Variants in ABTB3 observed in about 807,000 individuals in gnomAD.
The protein encoded by ABTB3 is ankyrin repeat- and BTB/POZ domain-containing protein 3.
chr12:107,513,621 G>C, the ABTB3 span, among the ~76,000 whole-genome samples: 1 of 152,210 alleles, frequency 6.6e-6, no homozygotes, highest in African/African-American at 2.4e-5. Context: ...CCCAGTCTCG[G>C]GTATTTCCTC....
chr12:107,468,663 T>G, the ABTB3 span, among the ~76,000 whole-genome samples: 1 of 152,102 alleles, frequency 6.6e-6, no homozygotes, highest in Admixed American at 6.5e-5. Context: ...CACAAGTATT[T>G]ATTGAGCACC....
At chr12:107,324,017 C>A in the ABTB3 span, among the ~76,000 whole-genome samples, 32 of 152,098 alleles carry the variant, frequency 2.1e-4, no homozygotes, top group Non-Finnish European at 2.6e-4. Context: ...CTTAGGTATG[C>A]GACCCAACCT....
the ABTB3 span, among the ~76,000 whole-genome samples, chr12:107,473,755 A>G: frequency 6.6e-6 from 1 of 151,050 alleles, no homozygotes; most frequent in Admixed American, 6.6e-5. Flanking sequence ...TTGGTGAAGA[A>G]GCCATATATT....
At chr12:107,507,293 G>A in the ABTB3 span, among the ~76,000 whole-genome samples, 1 of 152,106 alleles carries the variant, frequency 6.6e-6, no homozygotes, top group Non-Finnish European at 1.5e-5. Context: ...AGGGAAGCAG[G>A]AGAAGTCAAG....
At chr12:107,624,076 A>G in the ABTB3 span, among the ~76,000 whole-genome samples, 218 of 152,198 alleles carry the variant, frequency 1.4e-3, 1 homozygote, top group African/African-American at 4.9e-3. Flanking sequence ...CAAAGGAAAA[A>G]GTGTAGGAGA....
chr12:107,546,624 G>A, the ABTB3 span, among the ~76,000 whole-genome samples: 5 of 152,264 alleles, frequency 3.3e-5, no homozygotes, highest in South Asian at 2.1e-4. Flanking sequence ...CTGACCTTGG[G>A]AGGCTGAGGC....
the ABTB3 span, chr12:107,318,865 G>T: frequency 2.7e-6 from 4 of 1,463,524 alleles, no homozygotes; most frequent in Non-Finnish European, 2.7e-6. Context: ...CTCTCCCCGC[G>T]CCCCGCGGCA....
At chr12:107,444,929 A>G in the ABTB3 span, among the ~76,000 whole-genome samples, 1 of 152,114 alleles carries the variant, frequency 6.6e-6, no homozygotes, top group Non-Finnish European at 1.5e-5. Flanking sequence ...AGAGAGAAGG[A>G]AGACTGACAG....
chr12:107,356,940 A>C, the ABTB3 span, among the ~76,000 whole-genome samples: 1 of 152,224 alleles, frequency 6.6e-6, no homozygotes, highest in Non-Finnish European at 1.5e-5. Flanking sequence ...TGAAGCTGGA[A>C]CTTAACTTCT....
At chr12:107,635,870 CCACACA>C in the ABTB3 span, among the ~76,000 whole-genome samples, 2 of 115,228 alleles carry the variant, frequency 1.7e-5, no homozygotes, top group African/African-American at 6.4e-5. Context: ...CCCCACCCAC[CCACACA>C]CACACACACA....
the ABTB3 span, among the ~76,000 whole-genome samples, chr12:107,515,981 C>G: frequency 6.6e-6 from 1 of 151,616 alleles, no homozygotes; most frequent in South Asian, 2.1e-4. Flanking sequence ...TAGTAAGGGT[C>G]ACTGTTATTT....
At chr12:107,574,918 C>A in the ABTB3 span, among the ~76,000 whole-genome samples, 819 of 152,284 alleles carry the variant, frequency 5.4e-3, 4 homozygotes, top group Middle Eastern at 0.01. Context: ...TTGGACTATG[C>A]CTTGCACAGT....
chr12:107,557,707 CATTT>C, the ABTB3 span, among the ~76,000 whole-genome samples: 1 of 152,194 alleles, frequency 6.6e-6, no homozygotes, highest in East Asian at 1.9e-4. Flanking sequence ...TGAATTAACT[CATTT>C]ATCCCCCATG....
At chr12:107,581,186 A>G in the ABTB3 span, 1 of 1,537,986 alleles carries the variant, frequency 6.5e-7, no homozygotes, top group Non-Finnish European at 8.7e-7. Context: ...GATGGAGTGG[A>G]TCCGGGTGGC....
the ABTB3 span, chr12:107,635,303 C>T: frequency 6.2e-7 from 1 of 1,613,608 alleles, no homozygotes; most frequent in Non-Finnish European, 8.5e-7. Flanking sequence ...GATCAGCCAG[C>T]AGCTGTGCGT....
At chr12:107,449,770 C>T in the ABTB3 span, among the ~76,000 whole-genome samples, 2 of 152,030 alleles carry the variant, frequency 1.3e-5, no homozygotes, top group Non-Finnish European at 2.9e-5. Context: ...CCTCAGCCTC[C>T]CAAGTAGCTT....
chr12:107,388,229 C>T, the ABTB3 span, among the ~76,000 whole-genome samples: 1 of 152,104 alleles, frequency 6.6e-6, no homozygotes, highest in Admixed American at 6.5e-5. Flanking sequence ...ACCTCAGACT[C>T]CCAAAGTGCT....
At chr12:107,442,749 G>GT in the ABTB3 span, among the ~76,000 whole-genome samples, 5 of 152,220 alleles carry the variant, frequency 3.3e-5, no homozygotes, top group East Asian at 9.6e-4. Context: ...AAAGGGGGTT[G>GT]TGGGGAGACT....
At chr12:107,482,913 C>CTTCTTTCTTTCTTTCT in the ABTB3 span, among the ~76,000 whole-genome samples, 1 of 117,998 alleles carries the variant, frequency 8.5e-6, no homozygotes, top group African/African-American at 3.4e-5. Flanking sequence ...TCTCTTTCTT[C>CTTCTTTCTTTCTTTCT]TTCTTTCTTT....
Sources: allele counts gnomAD v4.1 joint callset (sites outside exome capture counted in the v4.1 genomes callset), GRCh38; gene constraint gnomAD v4.1.1; transcripts MANE v1.5; gene names NCBI Gene and HGNC (gene_info 2026-07-23, HGNC 2026-07-21).